The following DPH6 variants were observed in gnomAD, a reference collection of about 807,000 sequenced individuals.
DPH6 encodes diphthamine biosynthesis 6, also known as diphthine--ammonia ligase.
In DPH6, 33 loss-of-function variants were observed where a neutral mutation model predicts 38.2. The ratio of observed to expected loss-of-function variants is 0.86; its 90% CI spans 0.65 to 1.15. The LOEUF (loss-of-function observed/expected upper bound fraction) is 1.15, where lower values mean the gene tolerates loss of function less well. Ranked by LOEUF, DPH6 falls within the 50% of genes most tolerant of loss-of-function variation. The pLI is 0.00. For missense variants in DPH6, 325 were observed against 320.0 expected (o/e 1.02, Z -0.12); for synonymous variants, 108 against 103.0 (o/e 1.05, Z -0.30).
intron 5 of DPH6, among the ~76,000 whole-genome samples, chr15:35,426,588 T>G (rs996073780): frequency 6.6e-6 from 1 of 151,886 alleles, no homozygotes; most frequent in Middle Eastern, 3.4e-3. Flanking sequence ...CAGGTTAGTA[T>G]GTGTAGGAGT....
chr15:35,208,090 T>C, the DPH6 span, among the ~76,000 whole-genome samples: 2 of 152,156 alleles, frequency 1.3e-5, no homozygotes, highest in African/African-American at 4.8e-5. Context: ...TAAGAAGAAA[T>C]ACATTATGAA....
chr15:35,463,100 A>T (rs1566919379), intron 3 of DPH6, among the ~76,000 whole-genome samples: 1 of 152,128 alleles, frequency 6.6e-6, no homozygotes, highest in Non-Finnish European at 1.5e-5. Context: ...AGAAAATATA[A>T]GCTAAAATTA....
chr15:35,427,460 T>C (rs2053583710), intron 5 of DPH6, among the ~76,000 whole-genome samples: 1 of 148,960 alleles, frequency 6.7e-6, no homozygotes, highest in Admixed American at 6.7e-5. Context: ...ATGAAGCTTT[T>C]CTTTCAGAAA....
intron 7 of DPH6, among the ~76,000 whole-genome samples, chr15:35,380,263 C>T (rs935814169): frequency 5.9e-5 from 9 of 152,226 alleles, no homozygotes; most frequent in Non-Finnish European, 1.0e-4. Context: ...GTTCTAACCA[C>T]CTTCCCTGAC....
chr15:35,427,519 C>G (rs1363106395), intron 5 of DPH6, among the ~76,000 whole-genome samples: 1 of 151,778 alleles, frequency 6.6e-6, no homozygotes, highest in African/African-American at 2.4e-5. Context: ...CAGAGGCTCT[C>G]TTGGTGATAA....
intron 3 of DPH6, among the ~76,000 whole-genome samples, chr15:35,350,620 G>A (rs1378977991): frequency 6.6e-6 from 1 of 151,964 alleles, no homozygotes; most frequent in Non-Finnish European, 1.5e-5. Flanking sequence ...CAATAAGTTT[G>A]GCTATGTTCT....
intron 3 of DPH6, chr15:35,237,313 G>A: frequency 1.9e-6 from 3 of 1,584,306 alleles, no homozygotes; most frequent in African/African-American, 1.3e-5. Flanking sequence ...AGCCTCTGCA[G>A]AGAACGCGAG....
intron 3 of DPH6, chr15:35,237,820 G>A: frequency 1.9e-6 from 3 of 1,568,900 alleles, no homozygotes. Context: ...GCTACGTGGA[G>A]GGCCTGGAGG....
At position 35,450,771 on chromosome 15, in the gene DPH6, T is replaced by G; in HGVS notation, c.419A>C (p.Tyr140Ser). Residue 140 changes from tyrosine to serine, a missense_variant, in exon 5 of 9, where the codon TAT becomes TCT. Tyr to Ser is a moderately radical substitution (Grantham distance 144). Coordinates refer to ENST00000256538, the MANE Select transcript of DPH6 (RefSeq NM_080650.4). Reference sequence around the variant, plus strand: ...ATCTTCCTGGTTTCTCTGCCAAAGATAAGCTAAAGGCTGGAGATTAAGCCT... The same window carrying G: ...ATCTTCCTGGTTTCTCTGCCAAAGAGAAGCTAAAGGCTGGAGATTAAGCCT... ...CKRLNLQPLAYLWQRNQEDLL... is the reference protein window; with the variant it reads ...CKRLNLQPLASLWQRNQEDLL... The G allele has an allele frequency of 6.2e-7, 1 of 1,612,570 alleles. No homozygotes were observed. The highest frequency in any genetic ancestry group is 8.5e-7 in the Non-Finnish European group (1 of 1,179,466).
At chr15:35,223,233 G>A (rs2051454271) in intron 3 of DPH6, among the ~76,000 whole-genome samples, 1 of 152,120 alleles carries the variant, frequency 6.6e-6, no homozygotes. Context: ...GGCATCACAT[G>A]GTAGAAGAGC....
chr15:35,175,298 C>T, the DPH6 span, among the ~76,000 whole-genome samples: 2 of 152,184 alleles, frequency 1.3e-5, no homozygotes, highest in East Asian at 1.9e-4. Flanking sequence ...CACTCACTCT[C>T]GACTTTGAGA....
intron 5 of DPH6, among the ~76,000 whole-genome samples, chr15:35,444,981 T>C (rs932674522): frequency 6.6e-6 from 1 of 152,226 alleles, no homozygotes; most frequent in Non-Finnish European, 1.5e-5. Flanking sequence ...GTAAAATTTG[T>C]ACAATTTAGA....
In DPH6 at chr15:35,537,406, G is replaced by A. The variant is rs561317288; in HGVS notation, c.312+868C>T. Among the ~76,000 whole-genome samples the A allele has an allele frequency of 2.2e-4, 33 of 152,168 alleles. No individual in the cohort carries two copies. The South Asian group carries it at 6.4e-3, about 30-fold the overall frequency. On this transcript the variant is annotated intron_variant, in intron 3 of 8. Transcript: ENST00000256538. ...TCATCAAATCTGCCTTATATGAATC[G>A]ATTGTAACGGACTGAATAAAAATTC...
downstream of DPH6, among the ~76,000 whole-genome samples, chr15:35,213,061 C>T (rs568611412): frequency 1.1e-3 from 162 of 152,196 alleles, 5 homozygotes; most frequent in South Asian, 0.033. Context: ...TCATGAAAAT[C>T]TGATTTGGGA....
At chr15:35,194,369 C>CAGAGAGAGAG in the DPH6 span, among the ~76,000 whole-genome samples, 1,190 of 144,738 alleles carry the variant, frequency 8.2e-3, 20 homozygotes, top group African/African-American at 0.029. Context: ...TTCCTTTTTC[C>CAGAGAGAGAG]AGAGAGAGAG....
At chr15:35,425,375 T>C (rs2053555878) in intron 5 of DPH6, among the ~76,000 whole-genome samples, 2 of 151,622 alleles carry the variant, frequency 1.3e-5, no homozygotes, top group South Asian at 4.1e-4. Context: ...TCATGAAAGC[T>C]ATTATAGTGT....
chr15:35,391,999 A>T (rs1342539864), intron 6 of DPH6, among the ~76,000 whole-genome samples: 1 of 145,124 alleles, frequency 6.9e-6, no homozygotes, highest in African/African-American at 2.7e-5. Context: ...GCAATCTCAC[A>T]TATAGCTAAA....
chr15:35,417,772 G>T (rs2053454772), intron 5 of DPH6, among the ~76,000 whole-genome samples: 1 of 151,864 alleles, frequency 6.6e-6, no homozygotes, highest in South Asian at 2.1e-4. Flanking sequence ...CTAAGCAGTA[G>T]CCATTTAACT....
chr15:35,436,234 A>T (rs2053699515), intron 5 of DPH6, among the ~76,000 whole-genome samples: 1 of 151,928 alleles, frequency 6.6e-6, no homozygotes, highest in South Asian at 2.1e-4. Context: ...TGGGAGGCCA[A>T]GGCAGGCGGA....
Sources: allele counts gnomAD v4.1 joint callset (sites outside exome capture counted in the v4.1 genomes callset), GRCh38; gene constraint gnomAD v4.1.1; transcripts MANE v1.5; gene names NCBI Gene and HGNC (gene_info 2026-07-23, HGNC 2026-07-21).